Variants in ASB1 observed in about 807,000 individuals in gnomAD.
The protein encoded by ASB1 is ankyrin repeat and SOCS box containing 1, also known as ankyrin repeat and SOCS box protein 1.
Under a neutral mutation model 27.7 loss-of-function variants are expected in ASB1, and 18 were observed. That is an observed-to-expected ratio of 0.65 (90% CI 0.45 to 0.96). The LOEUF (loss-of-function observed/expected upper bound fraction) is 0.96, where lower values mean the gene tolerates loss of function less well. Ranked by LOEUF, ASB1 falls within the 50% of genes least tolerant of loss-of-function variation. ASB1 has a pLI of 0.00. For synonymous variants in ASB1, 189 were observed against 187.6 expected (o/e 1.01, Z -0.06); for missense variants, 397 against 451.7 (o/e 0.88, Z 1.10).
intron 2 of ASB1, 116 bp downstream of exon 2, chr2:238,433,811 A>C: frequency 8.0e-7 from 1 of 1,246,876 alleles, no homozygotes; most frequent in Non-Finnish European, 1.1e-6. Flanking sequence ...AATGTGTTCC[A>C]GTTTTAGAGG....
At position 238,443,634 on chromosome 2, in the gene ASB1, T is replaced by A. The variant is rs4663897; in HGVS notation, c.495-708T>A. 2.3e-3 allele frequency among the ~76,000 whole-genome samples: 352 copies of A among 152,338 alleles called. 9 individuals are homozygous for A. Among genetic ancestry groups the A allele is most frequent in the Admixed American group, 0.021 (322 of 15,304 alleles). On this transcript the variant is annotated intron_variant, in intron 3 of 4. Transcript: ENST00000264607. ...TTCCCTGTTAAATGAGATGCTGACT[T>A]CTGGCCTGAGGGAGTATGTTTTATC...
intron 3 of ASB1, among the ~76,000 whole-genome samples, chr2:238,439,457 CTGGCCTTACCTGT>C (rs1702037548): frequency 2.0e-5 from 3 of 152,196 alleles, no homozygotes; most frequent in Non-Finnish European, 4.4e-5. Context: ...AGCGTGGCTG[CTGGCCTTACCTGT>C]TGGCGAGCGC....
chr2:238,443,741 C>CTTTTTTT (rs61693685), intron 3 of ASB1, among the ~76,000 whole-genome samples: 1 of 145,840 alleles, frequency 6.9e-6, no homozygotes. Context: ...ATATGCCCAC[C>CTTTTTTT]TTTTTTTTTT....
intron 1 of ASB1, among the ~76,000 whole-genome samples, chr2:238,428,817 G>A (rs755717599): frequency 3.9e-5 from 6 of 152,210 alleles, no homozygotes; most frequent in Non-Finnish European, 7.3e-5. Context: ...GCCAGGAATG[G>A]ATAGCACAGA....
Position 238,443,366 on chromosome 2 carries a change from C to A in ASB1, c.495-976C>A, listed in dbSNP as rs1187186543. On this transcript the variant is annotated intron_variant, in intron 3 of 4. Coordinates refer to ENST00000264607, the MANE Select transcript of ASB1 (RefSeq NM_001040445.3). Reference sequence around the variant, plus strand: ...TTTTATATGAAGCCTATTGGTTTGACAACCTGCTACTTCAATAAGTTCTCT... The same window carrying A: ...TTTTATATGAAGCCTATTGGTTTGAAAACCTGCTACTTCAATAAGTTCTCT... Among the ~76,000 whole-genome samples, 3 of 152,202 alleles carry A rather than the reference C, an allele frequency of 2.0e-5. No homozygotes were observed. The East Asian group carries it at 5.8e-4, about 29-fold the overall frequency.
chr2:238,427,663 A>G (rs1574999012), intron 1 of ASB1: 1 of 152,680 alleles, frequency 6.5e-6, no homozygotes, highest in South Asian at 2.1e-4. Context: ...GCCCACCAGC[A>G]AGGGAGGCAG....
At position 238,451,615 on chromosome 2, in the gene ASB1, T is replaced by C. The variant is rs1164928010; in HGVS notation, c.*5104T>C. ...CCTTTCTGCTTTGGTAATCAACACG[T>C]GTTTGCCTGCAGTGGCCGGGACCGT... On this transcript the variant is annotated 3_prime_UTR_variant, in exon 5 of 5. Transcript: ENST00000264607. 6.5e-6 allele frequency: 1 copy of C among 152,676 alleles called. No homozygotes were observed. The highest frequency in any genetic ancestry group is 1.5e-5 in the Non-Finnish European group (1 of 68,088). 9.5% of individuals were successfully genotyped at this position (152,676 alleles called of 1,614,324 possible). A position where few individuals can be genotyped will look rare whatever the true frequency, so the allele number is the denominator to read the frequency against.
At chr2:238,432,658 GTATTAAGATATTCCCAA>G (rs2106403257) in intron 1 of ASB1, among the ~76,000 whole-genome samples, 1 of 152,290 alleles carries the variant, frequency 6.6e-6, no homozygotes, top group African/African-American at 2.4e-5. Context: ...TAGTTGCCCA[GTATTAAGATATTCCCAA>G]ATACCAGTAC....
rs867761793 is a variant in ASB1 at position 238,439,760 on chromosome 2, G to T, written c.494+3747G>T. 3.9e-5 allele frequency among the ~76,000 whole-genome samples: 6 copies of T among 152,250 alleles called. 1 individual carries two copies. In the South Asian group the frequency reaches 1.2e-3, roughly 32 times the overall value. The stretch of plus-strand genomic sequence containing the variant: ...TCGCATTCCCCTCTTATCAGGCTGC[G>T]TGTGATCGCAGTGTGTCCATTACTG... On this transcript the variant is annotated intron_variant, in intron 3 of 4. Transcript: ENST00000264607.
intron 2 of ASB1, among the ~76,000 whole-genome samples, chr2:238,434,600 G>A (rs1701932069): frequency 6.6e-6 from 1 of 152,192 alleles, no homozygotes; most frequent in Non-Finnish European, 1.5e-5. Flanking sequence ...TGTCTTAGCA[G>A]TATTTCATCA....
In ASB1 at chr2:238,426,934, C is replaced by T. The variant is rs71426528; in HGVS notation, c.-137C>T. 28,521 of 584,636 alleles carry T rather than the reference C, an allele frequency of 0.049. 1,414 individuals are homozygous for T. The highest frequency in any genetic ancestry group is 0.18 in the African/African-American group (9,110 of 51,682). 36.2% of individuals were successfully genotyped at this position (584,636 alleles called of 1,614,324 possible). On this transcript the variant is annotated 5_prime_UTR_variant, in exon 1 of 5. Transcript: ENST00000264607. ...TGCGCGGCCCCGGAAACCAGTGAGG[C>T]CGGCGCGCGCCCGCCGGAAGCCGCG...
At position 238,451,919 on chromosome 2, in the gene ASB1, C is replaced by T. The variant is rs1702293667; in HGVS notation, c.*5408C>T. On this transcript the variant is annotated 3_prime_UTR_variant, in exon 5 of 5. Coordinates refer to ENST00000264607, the MANE Select transcript of ASB1 (RefSeq NM_001040445.3). ...TCTGAAGCAGGAGTTTTCACCTGCT[C>T]TGAGGGAACTTGGGGCTCCAGGGAC... 2.0e-5 allele frequency: 3 copies of T among 152,364 alleles called. No homozygotes were observed. The highest frequency in any genetic ancestry group is 7.2e-5 in the African/African-American group (3 of 41,432). 9.4% of individuals were successfully genotyped at this position (152,364 alleles called of 1,614,324 possible).
intron 3 of ASB1, among the ~76,000 whole-genome samples, chr2:238,440,583 A>G (rs1353790250): frequency 2.0e-5 from 3 of 152,020 alleles, no homozygotes; most frequent in African/African-American, 7.2e-5. Context: ...CTCACCTCTC[A>G]TGCCAGGTGG....
intron 4 of ASB1, among the ~76,000 whole-genome samples, chr2:238,445,179 G>C (rs574488165): frequency 1.2e-3 from 183 of 152,010 alleles, no homozygotes; most frequent in African/African-American, 4.1e-3. Context: ...AGGTTTTGCT[G>C]TGTTGCCCAG....
chr2:238,446,447 G>A lies in ASB1; in HGVS notation c.944G>A (p.Arg315Gln), dbSNP rs771267890. ...VAVRRALGKH[R>Q]LHLIPSLPLP... The stretch of plus-strand genomic sequence containing the variant: ...GTGAGAAGAGCTCTTGGCAAACACC[G>A]GCTTCATCTGATTCCTTCGCTGCCT... The change falls in exon 5 of 5, where the codon CGG (arginine) becomes CAG (glutamine). Residue 315 changes from arginine to glutamine, a missense_variant. Arg to Gln is a conservative substitution (Grantham distance 43). Coordinates refer to ENST00000264607, the MANE Select transcript of ASB1 (RefSeq NM_001040445.3). The A allele has an allele frequency of 2.6e-5, 42 of 1,613,964 alleles. No individual in the cohort carries two copies. Among genetic ancestry groups the A allele is most frequent in the Admixed American group, 2.5e-4 (15 of 59,998 alleles).
chr2:238,445,937 G>A (rs892936918), intron 4 of ASB1, among the ~76,000 whole-genome samples: 2 of 152,202 alleles, frequency 1.3e-5, no homozygotes, highest in African/African-American at 4.8e-5. Context: ...GGGCAAAGTC[G>A]TCAGCCTGTG....
At chr2:238,441,644 T>C (rs770586106) in intron 3 of ASB1, among the ~76,000 whole-genome samples, 4 of 152,220 alleles carry the variant, frequency 2.6e-5, no homozygotes, top group Non-Finnish European at 5.9e-5. Flanking sequence ...CGGAGCAGTG[T>C]ACAGCGACCC....
rs72987327 is a variant in ASB1, at chr2:238,451,192, T to G, written c.*4681T>G. ...GTGCAGATTTTGAAGTGTACAGTGA[T>G]GTGTGGAATAAATACTAGAAATTCT... On this transcript the variant is annotated 3_prime_UTR_variant, in exon 5 of 5. Coordinates refer to ENST00000264607, the MANE Select transcript of ASB1 (RefSeq NM_001040445.3). 14,115 of 152,150 alleles carry G rather than the reference T, an allele frequency of 0.093. 750 individuals are homozygous for G. The highest frequency in any genetic ancestry group is 0.12 in the Non-Finnish European group (7,843 of 68,020). 9.4% of individuals were successfully genotyped at this position (152,150 alleles called of 1,614,324 possible). A position where few individuals can be genotyped will look rare whatever the true frequency, so the allele number is the denominator to read the frequency against.
intron 1 of ASB1, among the ~76,000 whole-genome samples, chr2:238,430,027 T>C: frequency 6.6e-6 from 1 of 152,196 alleles, no homozygotes; most frequent in East Asian, 1.9e-4. Context: ...TGAAAAATGC[T>C]AACCATCATC....
Sources: allele counts gnomAD v4.1 joint callset (sites outside exome capture counted in the v4.1 genomes callset), GRCh38; gene constraint gnomAD v4.1.1; transcripts MANE v1.5; gene names NCBI Gene and HGNC (gene_info 2026-07-23, HGNC 2026-07-21).